RUNDC3B: variants seen among roughly 807,000 people sequenced by gnomAD.
RUNDC3B encodes the protein RUN domain containing 3B.
A neutral mutation model predicts 58.4 loss-of-function variants in RUNDC3B; 33 were observed. The ratio of observed to expected loss-of-function variants is 0.56; its 90% CI spans 0.43 to 0.75. The LOEUF (loss-of-function observed/expected upper bound fraction) is 0.75. Among genes scored for constraint, RUNDC3B ranks in the 30% least tolerant of loss-of-function variants. The pLI is 0.00. For synonymous variants in RUNDC3B, 193 were observed against 195.2 expected (o/e 0.99, Z 0.10); for missense variants, 501 against 535.7 (o/e 0.94, Z 0.64).
chr7:87,692,683 T>G (rs542984203), intron 2 of RUNDC3B, among the ~76,000 whole-genome samples: 6 of 152,200 alleles, frequency 3.9e-5, no homozygotes, highest in Non-Finnish European at 8.8e-5. Flanking sequence ...TAGAGAACTT[T>G]GTTTTAGGAC....
intron 6 of RUNDC3B, 70 bp from the exon 7 acceptor site, chr7:87,770,511 A>T (rs1834219090): frequency 1.1e-5 from 13 of 1,219,752 alleles, no homozygotes; most frequent in Non-Finnish European, 1.5e-5. Context: ...GTAGCTTGCA[A>T]ATGTAAAAGT....
At chr7:87,772,212 T>C (rs1024357192) in intron 7 of RUNDC3B, among the ~76,000 whole-genome samples, 7 of 152,194 alleles carry the variant, frequency 4.6e-5, no homozygotes, top group Non-Finnish European at 1.0e-4. Flanking sequence ...TGTAAATTTA[T>C]ATAATTTAAT....
chr7:87,709,466 A>G (rs1473378372), intron 3 of RUNDC3B: 1 of 985,404 alleles, frequency 1.0e-6, no homozygotes, highest in Non-Finnish European at 1.2e-6. Flanking sequence ...AGAAGGAACA[A>G]TGGACTGAGC....
Position 87,681,249 on chromosome 7 carries a change from A to G in RUNDC3B, c.239-19172A>G, listed in dbSNP as rs1159239048. Among the ~76,000 whole-genome samples, 4 of 150,702 alleles carry G rather than the reference A, an allele frequency of 2.7e-5. 1 individual carries two copies. Among genetic ancestry groups the G allele is most frequent in the African/African-American group, 9.8e-5 (4 of 40,628 alleles). ...GATATTTTTGCTGTTGATTGCAACC[A>G]GCCATTAAGGTAATAATAGTAATCC... On this transcript the variant is annotated intron_variant, in intron 2 of 10. Coordinates refer to ENST00000394654, the MANE Select transcript of RUNDC3B (RefSeq NM_001134405.2).
intron 10 of RUNDC3B, among the ~76,000 whole-genome samples, chr7:87,819,016 C>A (rs73200342): frequency 1.3e-5 from 2 of 152,274 alleles, no homozygotes; most frequent in Non-Finnish European, 2.9e-5. Context: ...GGGAGTCTGT[C>A]CCTTGCAGAC....
At chr7:87,781,766 G>A (rs371259199) in intron 8 of RUNDC3B, among the ~76,000 whole-genome samples, 1 of 151,866 alleles carries the variant, frequency 6.6e-6, no homozygotes, top group East Asian at 1.9e-4. Context: ...TTTTTATTCT[G>A]TTTATGTGGT....
At chr7:87,700,748 C>A (rs1828959025) in intron 3 of RUNDC3B, among the ~76,000 whole-genome samples, 194 bp downstream of exon 3, 1 of 151,954 alleles carries the variant, frequency 6.6e-6, no homozygotes, top group Non-Finnish European at 1.5e-5. Context: ...TCAGCAGAAC[C>A]CTGAAGATGT....
chr7:87,777,377 G>A (rs749191303), intron 7 of RUNDC3B, among the ~76,000 whole-genome samples: 11 of 152,158 alleles, frequency 7.2e-5, no homozygotes, highest in Non-Finnish European at 1.5e-4. Flanking sequence ...TAGGCCAGCA[G>A]GCCTAACCAA....
At chr7:87,677,890 G>A (rs1169426658) in intron 2 of RUNDC3B, among the ~76,000 whole-genome samples, 2 of 152,170 alleles carry the variant, frequency 1.3e-5, no homozygotes, top group Non-Finnish European at 1.5e-5. Context: ...CAGTGAAATA[G>A]CATCTTTAGA....
chr7:87,718,577 A>C (rs1830694145), intron 4 of RUNDC3B, among the ~76,000 whole-genome samples: 1 of 152,130 alleles, frequency 6.6e-6, no homozygotes. Flanking sequence ...CTCTTTCTGC[A>C]CACCATATTC....
chr7:87,734,082 A>G (rs548765729), intron 4 of RUNDC3B, among the ~76,000 whole-genome samples: 14 of 152,252 alleles, frequency 9.2e-5, no homozygotes, highest in Non-Finnish European at 1.9e-4. Flanking sequence ...ATACAAAACC[A>G]CAATGAAATA....
chr7:87,730,724 TAGCCAGGCAGTAGCCACCTTA>T (rs1831527177), intron 4 of RUNDC3B, among the ~76,000 whole-genome samples: 1 of 151,850 alleles, frequency 6.6e-6, no homozygotes, highest in Admixed American at 6.6e-5. Flanking sequence ...ACATAAGTGG[TAGCCAGGCAGTAGCCACCTTA>T]AGCCTTGGGC....
intron 6 of RUNDC3B, among the ~76,000 whole-genome samples, chr7:87,756,457 G>A (rs1168401076): frequency 6.6e-6 from 1 of 151,690 alleles, no homozygotes; most frequent in East Asian, 1.9e-4. Context: ...ATTTTTTCAT[G>A]TCCAATATAG....
chr7:87,748,315 G>A (rs2130825592), intron 6 of RUNDC3B, among the ~76,000 whole-genome samples: 1 of 152,276 alleles, frequency 6.6e-6, no homozygotes, highest in East Asian at 1.9e-4. Flanking sequence ...CGCAGTTGGG[G>A]CACCCACGGT....
At position 87,684,619 on chromosome 7, in the gene RUNDC3B, G is replaced by T. The variant is rs765030166; in HGVS notation, c.239-15802G>T. Among the ~76,000 whole-genome samples, 3 of 151,812 alleles carry T rather than the reference G, an allele frequency of 2.0e-5. No homozygotes were observed. In the East Asian group the frequency reaches 5.8e-4, roughly 29 times the overall value. On this transcript the variant is annotated intron_variant, in intron 2 of 10. Coordinates refer to ENST00000394654, the MANE Select transcript of RUNDC3B (RefSeq NM_001134405.2). ...AAAAATTAGTTGGGCATGGTAGCAC[G>T]TGCCTGTAGCCCCAGCTACGCAGGA...
At chr7:87,638,380 T>TGTGTGTGTGTG (rs201685472) in intron 1 of RUNDC3B, among the ~76,000 whole-genome samples, 1 of 151,238 alleles carries the variant, frequency 6.6e-6, no homozygotes, top group African/African-American at 2.4e-5. Flanking sequence ...TGTGTGTGTG[T>TGTGTGTGTGTG]TTCCTCCCCT....
intron 3 of RUNDC3B, among the ~76,000 whole-genome samples, chr7:87,702,676 C>G (rs1442579483): frequency 6.6e-6 from 1 of 152,032 alleles, no homozygotes; most frequent in East Asian, 1.9e-4. Flanking sequence ...CCTTGGGGTC[C>G]TCAGTAATTT....
intron 6 of RUNDC3B, among the ~76,000 whole-genome samples, chr7:87,764,615 A>G (rs1833879260): frequency 6.6e-6 from 1 of 151,682 alleles, no homozygotes; most frequent in South Asian, 2.1e-4. Flanking sequence ...CTTTATGTCC[A>G]TGTTTACCCA....
At chr7:87,661,277 CTT>C (rs1824689285) in intron 2 of RUNDC3B, among the ~76,000 whole-genome samples, 1 of 151,756 alleles carries the variant, frequency 6.6e-6, no homozygotes, top group Non-Finnish European at 1.5e-5. Context: ...CAATTATACT[CTT>C]TTAGTTATTT....
Sources: gnomAD v4.1 joint callset for allele counts (sites outside exome capture counted in the v4.1 genomes callset) on GRCh38, gnomAD v4.1.1 for gene constraint, MANE v1.5 for transcripts, NCBI Gene and HGNC (gene_info 2026-07-23, HGNC 2026-07-21) for gene names.